Variants in KIAA1958 observed in about 807,000 individuals in gnomAD.
KIAA1958 encodes the protein uncharacterized protein KIAA1958.
In KIAA1958, 14 loss-of-function variants were observed where a neutral mutation model predicts 47.2. That is an observed-to-expected ratio of 0.30 (90% CI 0.20 to 0.46). The LOEUF is 0.46. Ranked by LOEUF, KIAA1958 falls within the 20% of genes least tolerant of loss-of-function variation. The probability of loss-of-function intolerance (pLI) is 1.00; values close to 1 mark genes in which losing one functional copy is unlikely to be tolerated. For missense variants in KIAA1958, 803 were observed against 909.2 expected (o/e 0.88, Z 1.50); for synonymous variants, 354 against 353.3 (o/e 1.00, Z -0.02).
intron 2 of KIAA1958, among the ~76,000 whole-genome samples, chr9:112,619,628 CA>C (rs1304671981): frequency 2.6e-5 from 4 of 152,042 alleles, no homozygotes; most frequent in African/African-American, 7.2e-5. Flanking sequence ...AAATAATACC[CA>C]AAGTCTAATA....
In KIAA1958 at chr9:112,662,036, C is replaced by T. The variant is rs1380240034; in HGVS notation, c.*1967C>T. On this transcript the variant is annotated 3_prime_UTR_variant, in exon 4 of 4. Coordinates refer to ENST00000337530, the MANE Select transcript of KIAA1958 (RefSeq NM_133465.4). ...TTGAATAGATTCAAGTAGAAATTGC[C>T]GTTAGGAATCACTGGGATCTTTTCG... 1.3e-5 allele frequency: 2 copies of T among 152,118 alleles called. No individual in the cohort carries two copies. Among genetic ancestry groups the T allele is most frequent in the South Asian group, 2.1e-4 (1 of 4,824 alleles). The allele number at this position is 152,118 out of a possible 1,614,324, so 9.4% of individuals were successfully genotyped here.
chr9:112,510,580 G>A (rs182543245), intron 1 of KIAA1958, among the ~76,000 whole-genome samples: 28 of 152,228 alleles, frequency 1.8e-4, no homozygotes, highest in Admixed American at 5.9e-4. Context: ...TCAGATAAAT[G>A]GGTTACATAT....
intron 1 of KIAA1958, among the ~76,000 whole-genome samples, chr9:112,507,302 T>C (rs1247601647): frequency 6.6e-6 from 1 of 152,194 alleles, no homozygotes; most frequent in Admixed American, 6.5e-5. Flanking sequence ...TATAAGAATG[T>C]TTAGAAAAGA....
intron 1 of KIAA1958, among the ~76,000 whole-genome samples, chr9:112,556,061 A>G (rs1473351015): frequency 1.3e-5 from 2 of 152,224 alleles, no homozygotes; most frequent in African/African-American, 4.8e-5. Flanking sequence ...CCTGGGGGAC[A>G]AGAGTGAAAC....
chr9:112,523,886 C>G (rs942496455), intron 1 of KIAA1958, among the ~76,000 whole-genome samples: 1 of 152,140 alleles, frequency 6.6e-6, no homozygotes, highest in African/African-American at 2.4e-5. Flanking sequence ...TCCCATTCCC[C>G]TGACTCTCCC....
chr9:112,606,638 G>A (rs1836241082), intron 2 of KIAA1958, among the ~76,000 whole-genome samples: 1 of 152,096 alleles, frequency 6.6e-6, no homozygotes, highest in African/African-American at 2.4e-5. Context: ...ATCAGCATTA[G>A]ATAAAACAAC....
rs989844762 is a variant in KIAA1958, at chr9:112,662,307, A to T, written c.*2238A>T. On this transcript the variant is annotated 3_prime_UTR_variant, in exon 4 of 4. Coordinates refer to ENST00000337530, the MANE Select transcript of KIAA1958 (RefSeq NM_133465.4). Reference sequence around the variant, plus strand: ...CTGAGCAGCCTAAAAGCTGTTTGTGACATGCCACCTTGGGAAACAAGAGTG... The same window carrying T: ...CTGAGCAGCCTAAAAGCTGTTTGTGTCATGCCACCTTGGGAAACAAGAGTG... The T allele has an allele frequency of 1.3e-5, 2 of 152,262 alleles. No individual in the cohort carries two copies. The highest frequency in any genetic ancestry group is 2.9e-5 in the Non-Finnish European group (2 of 68,038). 9.4% of individuals were successfully genotyped at this position (152,262 alleles called of 1,614,324 possible). A position where few individuals can be genotyped will look rare whatever the true frequency, so the allele number is the denominator to read the frequency against.
intron 2 of KIAA1958, among the ~76,000 whole-genome samples, chr9:112,605,114 A>T (rs1426228903): frequency 6.6e-6 from 1 of 150,904 alleles, no homozygotes; most frequent in Non-Finnish European, 1.5e-5. Context: ...GTCTGCTTTA[A>T]CACTTTGCTA....
chr9:112,602,285 A>G (rs1836147657), intron 2 of KIAA1958, among the ~76,000 whole-genome samples: 1 of 152,218 alleles, frequency 6.6e-6, no homozygotes, highest in Non-Finnish European at 1.5e-5. Context: ...CAAAAATGAA[A>G]CACGAATGTT....
chr9:112,630,255 A>T, intron 2 of KIAA1958, among the ~76,000 whole-genome samples: 1 of 152,186 alleles, frequency 6.6e-6, no homozygotes, highest in East Asian at 1.9e-4. Context: ...TGCTGCAAAC[A>T]ATTAACTCAC....
chr9:112,556,679 T>G (rs904328178), intron 1 of KIAA1958, among the ~76,000 whole-genome samples: 2 of 152,202 alleles, frequency 1.3e-5, no homozygotes, highest in African/African-American at 4.8e-5. Context: ...TGTACAGGCT[T>G]TCTGAGTCAG....
rs376606761 is a variant in KIAA1958, at chr9:112,667,911, A to G, written c.*7842A>G. 2.0e-5 allele frequency: 3 copies of G among 152,346 alleles called. No homozygotes were observed. The highest frequency in any genetic ancestry group is 3.9e-4 in the East Asian group (2 of 5,192). 9.4% of individuals were successfully genotyped at this position (152,346 alleles called of 1,614,324 possible). ...ATTAAATACCAGGACATTATCCACT[A>G]GAGGAAGGGTATGTATGCTTTTAAA... On this transcript the variant is annotated 3_prime_UTR_variant, in exon 4 of 4. Coordinates refer to ENST00000337530, the MANE Select transcript of KIAA1958 (RefSeq NM_133465.4).
intron 2 of KIAA1958, among the ~76,000 whole-genome samples, chr9:112,641,113 T>C (rs1836881747): frequency 6.6e-6 from 1 of 152,240 alleles, no homozygotes; most frequent in South Asian, 2.1e-4. Context: ...CTATGTCTTA[T>C]ACCCTGTATC....
chr9:112,654,009 G>C (rs1347973066), intron 3 of KIAA1958, among the ~76,000 whole-genome samples: 2 of 152,134 alleles, frequency 1.3e-5, no homozygotes, highest in African/African-American at 4.8e-5. Context: ...TAAGTCACGT[G>C]GCTAGCCCAG....
chr9:112,548,423 G>A (rs10739363), intron 1 of KIAA1958, among the ~76,000 whole-genome samples: 145,338 of 152,250 alleles, frequency 0.95, 69,445 homozygotes, highest in African/African-American at 0.99. Flanking sequence ...TATGAAACCA[G>A]GCTGTAGCCT....
chr9:112,576,085 A>C (rs1460007324), intron 2 of KIAA1958, among the ~76,000 whole-genome samples: 1 of 152,138 alleles, frequency 6.6e-6, no homozygotes, highest in African/African-American at 2.4e-5. Flanking sequence ...CTTCTCAAAA[A>C]CGTCGTGTAT....
In KIAA1958 at chr9:112,571,017, C is replaced by G. The variant is rs1481713356; in HGVS notation, c.-24-3040C>G. ...CGAAAAAGAAGCCTATGCTAGCTCT[C>G]AGAGAGAGAACAATTCACCTTCTGT... On this transcript the variant is annotated intron_variant, in intron 1 of 3. Coordinates refer to ENST00000337530, the MANE Select transcript of KIAA1958 (RefSeq NM_133465.4). Among the ~76,000 whole-genome samples, 5 of 152,188 alleles carry G rather than the reference C, an allele frequency of 3.3e-5. No homozygotes were observed. The South Asian group carries it at 8.3e-4, about 25-fold the overall frequency.
chr9:112,565,938 C>T (rs977562414), intron 1 of KIAA1958, among the ~76,000 whole-genome samples: 7 of 152,228 alleles, frequency 4.6e-5, no homozygotes, highest in Non-Finnish European at 7.3e-5. Context: ...GAGTCTCGCT[C>T]TGTCGCCCAG....
intron 2 of KIAA1958, among the ~76,000 whole-genome samples, chr9:112,593,255 G>A (rs141209580): frequency 2.6e-5 from 4 of 152,308 alleles, no homozygotes; most frequent in East Asian, 3.9e-4. Context: ...GCTCTGCCAC[G>A]TAGTGGAACT....
Sources: allele counts gnomAD v4.1 joint callset (sites outside exome capture counted in the v4.1 genomes callset), GRCh38; gene constraint gnomAD v4.1.1; transcripts MANE v1.5; gene names NCBI Gene and HGNC (gene_info 2026-07-23, HGNC 2026-07-21).